The following TRIO variants were observed in gnomAD, a reference collection of about 807,000 sequenced individuals.
TRIO encodes the protein trio Rho guanine nucleotide exchange factor, also known as triple functional domain protein.
A neutral mutation model predicts 351.9 loss-of-function variants in TRIO; 58 were observed. That is an observed-to-expected ratio of 0.16 (90% CI 0.13 to 0.21). The LOEUF (loss-of-function observed/expected upper bound fraction) is 0.21. TRIO is among the 10% of genes least tolerant of loss of function. The probability of loss-of-function intolerance (pLI) is 1.00; values close to 1 mark genes in which losing one functional copy is unlikely to be tolerated. For synonymous variants in TRIO, 1,758 were observed against 1,595.7 expected, an observed-to-expected ratio of 1.10 and a Z score of -2.42; for missense variants, 3,201 against 4,027.8, an observed-to-expected ratio of 0.79 and a Z score of 5.56.
chr5:14,245,048 C>T (rs1410213358), intron 1 of TRIO, among the ~76,000 whole-genome samples: 3 of 152,220 alleles, frequency 2.0e-5, no homozygotes, highest in African/African-American at 7.2e-5. Flanking sequence ...TAAAATATTA[C>T]TGACAGACTT....
intron 1 of TRIO, among the ~76,000 whole-genome samples, chr5:14,146,218 C>G (rs1330223138): frequency 6.6e-6 from 1 of 152,036 alleles, no homozygotes. Flanking sequence ...CAGGGCTGAC[C>G]GGGCAAGGAA....
At chr5:14,358,136 C>T (rs2152335739) in intron 11 of TRIO, 42 bp from the exon 12 acceptor site, 2 of 1,582,446 alleles carry the variant, frequency 1.3e-6, no homozygotes, top group Non-Finnish European at 1.7e-6. Context: ...CCTGGTGGTG[C>T]AGCCAGGCCG....
At chr5:14,472,546 C>A in intron 38 of TRIO, 46 bp from the exon 39 acceptor site, 2 of 1,605,988 alleles carry the variant, frequency 1.2e-6, no homozygotes. Flanking sequence ...CAAAAAAATT[C>A]ATTTAGAAAA....
intron 18 of TRIO, among the ~76,000 whole-genome samples, chr5:14,370,222 C>T (rs889638316): frequency 1.3e-5 from 2 of 151,872 alleles, no homozygotes; most frequent in Non-Finnish European, 2.9e-5. Context: ...ACTTCCTGGG[C>T]TTAAGCGGTC....
chr5:14,370,944 C>T (rs1450015520), intron 18 of TRIO, among the ~76,000 whole-genome samples: 1 of 152,166 alleles, frequency 6.6e-6, no homozygotes, highest in Non-Finnish European at 1.5e-5. Context: ...TACAGGCGGT[C>T]CTCAAGTTAC....
chr5:14,148,914 T>C (rs954394284), intron 1 of TRIO, among the ~76,000 whole-genome samples: 13 of 152,338 alleles, frequency 8.5e-5, no homozygotes, highest in African/African-American at 2.9e-4. Flanking sequence ...GCGGGTTCGA[T>C]GTGCATCCAC....
chr5:14,276,301 G>A (rs960256149), intron 2 of TRIO, among the ~76,000 whole-genome samples: 10 of 152,216 alleles, frequency 6.6e-5, no homozygotes, highest in African/African-American at 2.2e-4. Context: ...TGCGGGAACT[G>A]GCGGGACTTT....
chr5:14,368,068 A>C (rs749350000), intron 16 of TRIO, among the ~76,000 whole-genome samples: 25 of 152,192 alleles, frequency 1.6e-4, no homozygotes, highest in Non-Finnish European at 2.4e-4. Context: ...CTACGGCCTC[A>C]CTGGAGAGAA....
intron 37 of TRIO, among the ~76,000 whole-genome samples, chr5:14,469,229 A>G (rs1231784494): frequency 6.6e-6 from 1 of 152,246 alleles, no homozygotes; most frequent in East Asian, 1.9e-4. Context: ...AAACGGTAGC[A>G]TAATAAAACC....
At chr5:14,498,764 T>C (rs888446984) in intron 53 of TRIO, 124 bp downstream of exon 53, 1 of 1,450,274 alleles carries the variant, frequency 6.9e-7, no homozygotes, top group Non-Finnish European at 9.4e-7. Context: ...AAGTCATTTG[T>C]GGGGCTTCAA....
chr5:14,287,584 A>T (rs1005219419), intron 4 of TRIO, among the ~76,000 whole-genome samples: 2 of 152,224 alleles, frequency 1.3e-5, no homozygotes, highest in Admixed American at 6.5e-5. Context: ...TCAGTTAGGC[A>T]TGGAAGATTG....
intron 1 of TRIO, among the ~76,000 whole-genome samples, chr5:14,175,694 T>C (rs1007185800): frequency 7.9e-5 from 12 of 152,304 alleles, no homozygotes; most frequent in African/African-American, 2.9e-4. Context: ...ACTAGTCACA[T>C]TGAAAATTAC....
At chr5:14,335,744 T>A (rs1741345621) in intron 10 of TRIO, among the ~76,000 whole-genome samples, 1 of 152,176 alleles carries the variant, frequency 6.6e-6, no homozygotes, top group East Asian at 1.9e-4. Flanking sequence ...ACGAGAGGAT[T>A]ATCTGAGCCC....
intron 10 of TRIO, among the ~76,000 whole-genome samples, chr5:14,333,775 A>G (rs1741128686): frequency 6.6e-6 from 1 of 152,050 alleles, no homozygotes; most frequent in Non-Finnish European, 1.5e-5. Flanking sequence ...AGTCCTACCA[A>G]GTTCTCAAGA....
chr5:14,174,893 C>A (rs1431546890), intron 1 of TRIO, among the ~76,000 whole-genome samples: 5 of 152,144 alleles, frequency 3.3e-5, no homozygotes, highest in Admixed American at 3.3e-4. Context: ...CCTGTGGATA[C>A]TGCAGATATT....
intron 1 of TRIO, among the ~76,000 whole-genome samples, chr5:14,181,584 G>C (rs1037324439): frequency 1.3e-5 from 2 of 152,208 alleles, no homozygotes; most frequent in Non-Finnish European, 2.9e-5. Context: ...CTGTGAGATG[G>C]CACGTGGGAC....
rs562542307 is a variant in TRIO, at chr5:14,424,529, G to A, written c.5203+4508G>A. Among the ~76,000 whole-genome samples, 26 of 152,214 alleles carry A rather than the reference G, an allele frequency of 1.7e-4. 1 individual carries two copies. The highest frequency in any genetic ancestry group is 1.4e-3 in the Admixed American group (22 of 15,282). ...ATGAGAAATAAAACCTTTTGCTTGTGGGTGACTTGAGCCTCTAAACCCAGG... is the reference window on the plus strand; with the variant it reads ...ATGAGAAATAAAACCTTTTGCTTGTAGGTGACTTGAGCCTCTAAACCCAGG... On this transcript the variant is annotated intron_variant, in intron 34 of 56. Transcript: ENST00000344204.
At chr5:14,336,440 T>A (rs1181665325) in intron 10 of TRIO, 96 bp from the exon 11 acceptor site, 7 of 1,269,014 alleles carry the variant, frequency 5.5e-6, no homozygotes, top group South Asian at 2.8e-5. Context: ...ATCAAAAATA[T>A]CACAAATTGA....
intron 1 of TRIO, among the ~76,000 whole-genome samples, chr5:14,189,698 G>A (rs1451369094): frequency 6.6e-6 from 1 of 151,976 alleles, no homozygotes; most frequent in Non-Finnish European, 1.5e-5. Flanking sequence ...GAGAGCTGAG[G>A]AGCTGCTGTT....
Sources: allele counts gnomAD v4.1 joint callset (sites outside exome capture counted in the v4.1 genomes callset), GRCh38; gene constraint gnomAD v4.1.1; transcripts MANE v1.5; gene names NCBI Gene and HGNC (gene_info 2026-07-23, HGNC 2026-07-21).